Variants in CFAP99 observed in about 807,000 individuals in gnomAD.
CFAP99 encodes the protein cilia and flagella associated protein 99.
Under a neutral mutation model 82.7 loss-of-function variants are expected in CFAP99, and 84 were observed. That is an observed-to-expected ratio of 1.02 (90% confidence interval 0.85 to 1.22). The LOEUF (loss-of-function observed/expected upper bound fraction) is 1.22. Ranked by LOEUF, CFAP99 falls within the 50% of genes most tolerant of loss-of-function variation. The pLI, the probability that CFAP99 is intolerant of heterozygous loss-of-function variation, is 0.00. For synonymous variants in CFAP99, 456 were observed against 429.5 expected (o/e 1.06, Z -0.76); for missense variants, 1,059 against 983.5 (o/e 1.08, Z -1.03).
At chr4:2,454,581 C>CTTTTTTTTTTTTTTTTT (rs200727697) in intron 11 of CFAP99, among the ~76,000 whole-genome samples, 282 of 94,412 alleles carry the variant, frequency 3.0e-3, no homozygotes, top group Middle Eastern at 0.015. Flanking sequence ...TGTTTTTTTT[C>CTTTTTTTTTTTTTTTTT]TTTTTTTTTT....
At chr4:2,437,581 G>A (rs1246471988) in intron 3 of CFAP99, among the ~76,000 whole-genome samples, 3 of 152,178 alleles carry the variant, frequency 2.0e-5, no homozygotes. Flanking sequence ...GTAGGGTACT[G>A]GGAGACTGAG....
Position 2,460,244 on chromosome 4 carries a change from T to C in CFAP99, c.1661+2T>C, listed in dbSNP as rs1466852962. 3 of 1,535,560 alleles carry C rather than the reference T, an allele frequency of 2.0e-6. No homozygotes were observed. The highest frequency in any genetic ancestry group is 3.9e-5 in the Admixed American group (2 of 50,920). On this transcript the variant is annotated splice_donor_variant, in intron 14 of 14. Coordinates refer to ENST00000635017, the Ensembl canonical transcript of CFAP99. LOFTEE classifies it high-confidence loss of function. The stretch of plus-strand genomic sequence containing the variant: ...CATGGGGAGATCCGCAGCCTTGAGG[T>C]TGGTACTGGGCTCGGGGAGGGTGCC...
rs1734276773 is a variant in CFAP99, at chr4:2,450,452, C to A, written c.795+447C>A. ...ACCATGAGGGCAGGCCCGGGCTGGG[C>A]AGCCCATATGGTGCATGCCGCGGGG... On this transcript the variant is annotated intron_variant, in intron 8 of 14. Coordinates refer to ENST00000635017, the Ensembl canonical transcript of CFAP99. 1.8e-5 allele frequency: 5 copies of A among 282,454 alleles called. No homozygotes were observed. The South Asian group carries it at 2.0e-4, about 11-fold the overall frequency. 17.5% of individuals were successfully genotyped at this position (282,454 alleles called of 1,614,324 possible).
chr4:2,450,697 A>T (rs1734281007), intron 8 of CFAP99, among the ~76,000 whole-genome samples: 1 of 152,158 alleles, frequency 6.6e-6, no homozygotes, highest in African/African-American at 2.4e-5. Context: ...ACTGGGAAGC[A>T]CTGTTCCCAG....
At position 2,462,846 on chromosome 4, in the gene CFAP99, C is replaced by A. The variant is rs906422794; in HGVS notation, c.2065C>A (p.Arg689=). 8 of 1,391,304 alleles carry A rather than the reference C, an allele frequency of 5.8e-6. No individual in the cohort carries two copies. The highest frequency in any genetic ancestry group is 7.5e-6 in the Non-Finnish European group (8 of 1,072,372). The allele number at this position is 1,391,304 out of a possible 1,614,324, so 86.2% of individuals were successfully genotyped here. The stretch of plus-strand genomic sequence containing the variant: ...GGCGCAGCACTGGCTGGAGCTGGAG[C>A]GGAGCCGCGAGCGCAGGCTGCAGGC... The change falls in exon 15 of 15, where the codon CGG becomes AGG. Residue 689 remains arginine (R), a synonymous_variant. Transcript: ENST00000635017. This position sits in a 1 kb window ranked among gnomAD's most constrained non-coding sequence, Gnocchi z 4.1.
chr4:2,444,216 C>T (rs1734111601), intron 5 of CFAP99, among the ~76,000 whole-genome samples: 2 of 152,180 alleles, frequency 1.3e-5, no homozygotes, highest in South Asian at 4.1e-4. Context: ...CCAGGCTAGA[C>T]TCACTGCCCA....
At position 2,426,314 on chromosome 4, in the gene CFAP99, C is replaced by T. The variant is rs550262343; in HGVS notation, c.-17-145C>T. The T allele has an allele frequency of 3.7e-5, 23 of 627,480 alleles. No homozygotes were observed. In the Middle Eastern group the frequency reaches 1.3e-3, roughly 34 times the overall value. The allele number at this position is 627,480 out of a possible 1,614,324, so 38.9% of individuals were successfully genotyped here. ...CCGGCCCTCCCCACTGCTGTAGGCC[C>T]GGCACCCTAGCCAGGGCCCCCAGTC... On this transcript the variant is annotated intron_variant, in intron 1 of 14. Coordinates refer to ENST00000635017, the Ensembl canonical transcript of CFAP99.
intron 11 of CFAP99, among the ~76,000 whole-genome samples, chr4:2,456,925 G>C (rs1263281171): frequency 1.3e-5 from 2 of 149,156 alleles, no homozygotes; most frequent in East Asian, 3.9e-4. Context: ...TGTTTTGGAT[G>C]TCATGGGTAA....
intron 1 of CFAP99, among the ~76,000 whole-genome samples, chr4:2,425,241 T>A (rs1355465507): frequency 6.6e-6 from 1 of 152,180 alleles, no homozygotes; most frequent in Non-Finnish European, 1.5e-5. Flanking sequence ...CCTGGTTCTT[T>A]TCTTATGGTT....
chr4:2,451,153 G>A (rs1734290500), intron 9 of CFAP99, 111 bp from the exon 10 acceptor site: 5 of 1,455,062 alleles, frequency 3.4e-6, no homozygotes, highest in Non-Finnish European at 4.6e-6. Context: ...CTGGGGGATA[G>A]GGAAGCACCT....
In CFAP99 at chr4:2,445,271, C is replaced by T. The variant is rs1734138122; in HGVS notation, c.605C>T (p.Ala202Val). ...GCCCCCAGGCCCCGCACCATTCCAG[C>T]GCCCGAACCAGTCCCGGTCGTGGCC... The change falls in exon 6 of 15, where the codon GCG becomes GTG. Residue 202 changes from alanine (A) to valine (V), a missense_variant. Coordinates refer to ENST00000635017, the Ensembl canonical transcript of CFAP99. The T allele has an allele frequency of 5.0e-6, 7 of 1,393,930 alleles. No individual in the cohort carries two copies. The East Asian group carries it at 8.7e-5, about 17-fold the overall frequency. The allele number at this position is 1,393,930 out of a possible 1,614,324, so 86.3% of individuals were successfully genotyped here.
intron 1 of CFAP99, among the ~76,000 whole-genome samples, chr4:2,422,551 C>T (rs529674748): frequency 1.6e-4 from 24 of 152,152 alleles, no homozygotes; most frequent in African/African-American, 3.6e-4. Flanking sequence ...CAGGGGGAGA[C>T]GGCAGGGAAA....
chr4:2,426,327 A>C, intron 1 of CFAP99, 132 bp from the exon 2 acceptor site: 1 of 644,508 alleles, frequency 1.6e-6, no homozygotes. Flanking sequence ...CACCCTAGCC[A>C]GGGCCCCCAG....
At chr4:2,436,730 G>A in intron 2 of CFAP99, 144 bp from the exon 3 acceptor site, 1 of 635,216 alleles carries the variant, frequency 1.6e-6, no homozygotes. Flanking sequence ...GGGAGGCACT[G>A]CCAGCTGCCT....
At chr4:2,438,149 G>A (rs1004940311) in exon 4 of CFAP99, 1 of 1,535,290 alleles carries the variant, frequency 6.5e-7, no homozygotes, top group Non-Finnish European at 8.7e-7. Context: ...CCCAGCCCGT[G>A]GATAAGATGT....
chr4:2,450,331 T>G, intron 8 of CFAP99: 2 of 386,834 alleles, frequency 5.2e-6, no homozygotes, highest in Non-Finnish European at 9.7e-6. Context: ...CCAGGTATGT[T>G]TGCCAATAAA....
chr4:2,450,476 G>C (rs1734277570), intron 8 of CFAP99: 1 of 276,874 alleles, frequency 3.6e-6, no homozygotes, highest in Admixed American at 4.8e-5. Flanking sequence ...CATGCCGCGG[G>C]GCTGCAATGA....
chr4:2,447,997 GTAGA>G (rs1453093627), intron 6 of CFAP99, among the ~76,000 whole-genome samples: 2 of 147,042 alleles, frequency 1.4e-5, no homozygotes, highest in Non-Finnish European at 3.0e-5. Flanking sequence ...GGAAGGATAA[GTAGA>G]TGGATGGATA....
At chr4:2,460,746 T>C (rs1010255135) in intron 14 of CFAP99, among the ~76,000 whole-genome samples, 1 of 152,106 alleles carries the variant, frequency 6.6e-6, no homozygotes, top group African/African-American at 2.4e-5. Flanking sequence ...GCCAACTGTT[T>C]TTTGTTTTTG....
Sources: allele counts gnomAD v4.1 joint callset (sites outside exome capture counted in the v4.1 genomes callset), GRCh38; gene constraint gnomAD v4.1.1; non-coding constraint Gnocchi (gnomAD v3.1); transcripts MANE v1.5; gene names NCBI Gene and HGNC (gene_info 2026-07-23, HGNC 2026-07-21).